The following SLC35F4 variants were observed in gnomAD, a reference collection of about 807,000 sequenced individuals.
The protein encoded by SLC35F4 is chromosome 14 open reading frame 36.
In SLC35F4, 24 loss-of-function variants were observed where a neutral mutation model predicts 44.2. The ratio of observed to expected loss-of-function variants is 0.54; its 90% CI spans 0.39 to 0.76. The LOEUF (loss-of-function observed/expected upper bound fraction) is 0.76. Among genes scored for constraint, SLC35F4 ranks in the 30% least tolerant of loss-of-function variants. The pLI is 0.00. For missense variants in SLC35F4, 562 were observed against 586.1 expected, an observed-to-expected ratio of 0.96 and a Z score of 0.42; for synonymous variants, 238 against 223.6, an observed-to-expected ratio of 1.06 and a Z score of -0.57.
At chr14:57,768,288 G>A (rs536527378) in intron 1 of SLC35F4, among the ~76,000 whole-genome samples, 1 of 152,238 alleles carries the variant, frequency 6.6e-6, no homozygotes, top group African/African-American at 2.4e-5. Flanking sequence ...TTTTAAAAAC[G>A]TATTTGCCTT....
intron 1 of SLC35F4, among the ~76,000 whole-genome samples, chr14:57,851,979 C>A (rs1886618713): frequency 1.3e-5 from 2 of 152,158 alleles, no homozygotes; most frequent in African/African-American, 4.8e-5. Flanking sequence ...TTCAACAAGG[C>A]TTAATCACTC....
At chr14:57,938,880 C>T (rs1419083837) in intron 1 of SLC35F4, among the ~76,000 whole-genome samples, 1 of 152,198 alleles carries the variant, frequency 6.6e-6, no homozygotes, top group African/African-American at 2.4e-5. Flanking sequence ...ATATATTCAG[C>T]TTCTGACATT....
intron 1 of SLC35F4, among the ~76,000 whole-genome samples, chr14:57,955,237 C>T (rs1890215063): frequency 6.6e-6 from 1 of 152,162 alleles, no homozygotes; most frequent in African/African-American, 2.4e-5. Context: ...CAATAAAATT[C>T]AACACCCCTT....
chr14:57,809,973 A>C (rs1275825479), intron 1 of SLC35F4, among the ~76,000 whole-genome samples: 2 of 152,226 alleles, frequency 1.3e-5, no homozygotes, highest in African/African-American at 2.4e-5. Flanking sequence ...AAACCTGGTC[A>C]GGTCCTTCCC....
chr14:57,804,367 AC>A (rs1385781696), intron 1 of SLC35F4, among the ~76,000 whole-genome samples: 2 of 152,222 alleles, frequency 1.3e-5, no homozygotes, highest in Non-Finnish European at 2.9e-5. Flanking sequence ...CCAACTTTAT[AC>A]TATACTACAA....
At position 57,583,313 on chromosome 14, in the gene SLC35F4, G is replaced by A. The variant is rs8012148; in HGVS notation, c.588-1880C>T. Among the ~76,000 whole-genome samples the A allele has an allele frequency of 8.3e-4, 127 of 152,294 alleles. 1 individual carries two copies. The highest frequency in any genetic ancestry group is 1.5e-3 in the Non-Finnish European group (99 of 68,042). On this transcript the variant is annotated intron_variant, in intron 3 of 7. Coordinates refer to ENST00000556826, the MANE Select transcript of SLC35F4 (RefSeq NM_001306087.2). ...CGATCTGCTCCGTGAGAAAGCTGCC[G>A]TGTAGAGCTGGAGTTGAGAGTCGTG...
intron 1 of SLC35F4, among the ~76,000 whole-genome samples, chr14:57,829,785 G>C (rs967675046): frequency 6.6e-6 from 1 of 152,062 alleles, no homozygotes; most frequent in Non-Finnish European, 1.5e-5. Flanking sequence ...ATCCCTTCAG[G>C]CATGCAGATA....
intron 1 of SLC35F4, among the ~76,000 whole-genome samples, chr14:57,849,890 C>T (rs1886402613): frequency 6.6e-6 from 1 of 152,174 alleles, no homozygotes; most frequent in African/African-American, 2.4e-5. Context: ...AGAATACACA[C>T]ACACACCCCT....
At chr14:57,764,882 G>C (rs1216281367) in intron 1 of SLC35F4, among the ~76,000 whole-genome samples, 1 of 152,158 alleles carries the variant, frequency 6.6e-6, no homozygotes, top group African/African-American at 2.4e-5. Context: ...GTATAGCTTT[G>C]TAGATAATAT....
intron 1 of SLC35F4, among the ~76,000 whole-genome samples, chr14:57,854,170 T>C (rs533520105): frequency 6.6e-6 from 1 of 152,292 alleles, no homozygotes; most frequent in South Asian, 2.1e-4. Context: ...TTTATATTTC[T>C]CAATAAATCA....
chr14:57,854,941 CATA>C (rs1207898157), intron 1 of SLC35F4, among the ~76,000 whole-genome samples: 1 of 152,128 alleles, frequency 6.6e-6, no homozygotes, highest in East Asian at 1.9e-4. Flanking sequence ...ATTGCTGTAG[CATA>C]ATTTTTAATA....
At chr14:57,823,138 C>A (rs767604636) in intron 1 of SLC35F4, among the ~76,000 whole-genome samples, 4 of 152,116 alleles carry the variant, frequency 2.6e-5, no homozygotes, top group Non-Finnish European at 5.9e-5. Flanking sequence ...ACACTCCTCA[C>A]CACAGCCCTG....
chr14:57,859,252 T>A (rs1159198221), intron 1 of SLC35F4, among the ~76,000 whole-genome samples: 1 of 152,202 alleles, frequency 6.6e-6, no homozygotes. Flanking sequence ...GAAGACTATA[T>A]GCATCCACTA....
chr14:57,741,234 G>A (rs1448103792), intron 1 of SLC35F4, among the ~76,000 whole-genome samples: 1 of 152,256 alleles, frequency 6.6e-6, no homozygotes, highest in Non-Finnish European at 1.5e-5. Context: ...GACGGAGAAT[G>A]ACTTTGACGA....
chr14:57,907,741 T>G (rs985734149), intron 1 of SLC35F4, among the ~76,000 whole-genome samples: 1 of 152,168 alleles, frequency 6.6e-6, no homozygotes, highest in Non-Finnish European at 1.5e-5. Context: ...AAGGCACTGT[T>G]AGAACTACTG....
chr14:57,725,365 G>C, intron 1 of SLC35F4, among the ~76,000 whole-genome samples: 1 of 152,198 alleles, frequency 6.6e-6, no homozygotes, highest in East Asian at 1.9e-4. Flanking sequence ...TCCTCGGGGT[G>C]ATCAGACAGC....
chr14:57,639,328 C>A (rs1421326697), intron 1 of SLC35F4, among the ~76,000 whole-genome samples: 1 of 151,974 alleles, frequency 6.6e-6, no homozygotes, highest in Non-Finnish European at 1.5e-5. Context: ...TTTTGTGAAA[C>A]CATTTTCTCA....
At chr14:57,798,995 T>G (rs1336622415) in intron 1 of SLC35F4, among the ~76,000 whole-genome samples, 1 of 152,224 alleles carries the variant, frequency 6.6e-6, no homozygotes, top group Non-Finnish European at 1.5e-5. Flanking sequence ...TGTAGCCAAT[T>G]AAAACAAAGT....
At chr14:57,644,190 C>T (rs1325470667) in intron 1 of SLC35F4, among the ~76,000 whole-genome samples, 1 of 152,168 alleles carries the variant, frequency 6.6e-6, no homozygotes, top group Non-Finnish European at 1.5e-5. Flanking sequence ...GAGGAATCGC[C>T]ACACTGACTT....
Sources: gnomAD v4.1 joint callset for allele counts (sites outside exome capture counted in the v4.1 genomes callset) on GRCh38, gnomAD v4.1.1 for gene constraint, MANE v1.5 for transcripts, NCBI Gene and HGNC (gene_info 2026-07-23, HGNC 2026-07-21) for gene names.